The following SHANK2 variants were observed in gnomAD, a reference collection of about 807,000 sequenced individuals.
The protein encoded by SHANK2 is SH3 and multiple ankyrin repeat domains 2.
In SHANK2, 43 loss-of-function variants were observed where a neutral mutation model predicts 133.7. The observed-to-expected ratio is 0.32, with a 90% CI of 0.25 to 0.41. SHANK2 has a LOEUF of 0.41. SHANK2 is among the 10% of genes least tolerant of loss of function. The pLI is 1.00. For missense variants in SHANK2, 1,994 were observed against 2,235.8 expected (o/e 0.89, Z 2.18); for synonymous variants, 1,017 against 952.8 (o/e 1.07, Z -1.24).
At chr11:70,583,548 G>A (rs2060210706) in intron 17 of SHANK2, among the ~76,000 whole-genome samples, 3 of 152,184 alleles carry the variant, frequency 2.0e-5, no homozygotes, top group Non-Finnish European at 1.5e-5. Context: ...GCTCCAAGGA[G>A]GGCAGTGCCA....
chr11:71,193,178 C>T (rs1055569897), intron 2 of SHANK2, among the ~76,000 whole-genome samples: 9 of 152,180 alleles, frequency 5.9e-5, no homozygotes, highest in African/African-American at 2.2e-4. Flanking sequence ...AATAAATCAA[C>T]TCAAACCAAA....
intron 10 of SHANK2, among the ~76,000 whole-genome samples, chr11:70,913,798 G>A (rs1190422861): frequency 6.6e-6 from 1 of 152,106 alleles, no homozygotes; most frequent in Non-Finnish European, 1.5e-5. Flanking sequence ...GACCCTACAT[G>A]GTGTCATTGC....
At chr11:71,058,524 A>C (rs1433032178) in intron 9 of SHANK2, among the ~76,000 whole-genome samples, 1 of 152,166 alleles carries the variant, frequency 6.6e-6, no homozygotes, top group Non-Finnish European at 1.5e-5. Context: ...GAATAAGCAA[A>C]CTCTGTTTTT....
At chr11:70,896,625 T>C (rs1379062190) in intron 10 of SHANK2, 58 bp from the exon 11 acceptor site, 2 of 711,826 alleles carry the variant, frequency 2.8e-6, no homozygotes, top group Admixed American at 2.0e-5. Flanking sequence ...GATTTCTGCA[T>C]ATACTATTAC....
At chr11:71,249,966 C>T (rs2919726) in intron 1 of SHANK2, among the ~76,000 whole-genome samples, 13,105 of 152,160 alleles carry the variant, frequency 0.086, 1,600 homozygotes, top group African/African-American at 0.27. Context: ...CCCCTAGAAG[C>T]CAGCATGGCC....
At chr11:70,841,848 C>A (rs115592334) in intron 11 of SHANK2, among the ~76,000 whole-genome samples, 1 of 152,176 alleles carries the variant, frequency 6.6e-6, no homozygotes, top group Non-Finnish European at 1.5e-5. Flanking sequence ...CCTGACTGTG[C>A]GTGTCTGCTC....
rs781806491 is a variant in SHANK2, at chr11:70,485,364, C to T, written c.4929G>A (p.Gly1643=). 3.1e-6 allele frequency: 5 copies of T among 1,613,886 alleles called. No individual in the cohort carries two copies. The East Asian group carries it at 6.7e-5, about 22-fold the overall frequency. The part of the protein sequence containing the change: ...QMNREKLAKP[G]EGLDSPMGAK... Reference sequence around the variant, plus strand: ...CTCCCATTGGTGAATCCAGTCCTTCCCCCGGCTTTGCCAATTTCTCTCGGT... The same window carrying T: ...CTCCCATTGGTGAATCCAGTCCTTCTCCCGGCTTTGCCAATTTCTCTCGGT... The change falls in exon 25 of 26, where the codon GGG becomes GGA. Residue 1643 remains glycine (G), a synonymous_variant. Transcript: ENST00000601538. This position sits in a 1 kb window ranked among gnomAD's most constrained non-coding sequence, Gnocchi z 5.8.
chr11:71,160,857 G>A (rs561898462), intron 2 of SHANK2, among the ~76,000 whole-genome samples: 20 of 152,304 alleles, frequency 1.3e-4, no homozygotes, highest in Non-Finnish European at 2.5e-4. Flanking sequence ...GACAGTCCAC[G>A]TTGGCAGCCT....
At chr11:70,636,133 C>T (rs1287595154) in intron 17 of SHANK2, among the ~76,000 whole-genome samples, 2 of 152,270 alleles carry the variant, frequency 1.3e-5, no homozygotes, top group Non-Finnish European at 2.9e-5. Flanking sequence ...TCGACAAAGG[C>T]GTGGTCTCTG....
intron 10 of SHANK2, among the ~76,000 whole-genome samples, chr11:70,898,779 C>T (rs552303870): frequency 1.2e-4 from 19 of 152,170 alleles, no homozygotes; most frequent in Non-Finnish European, 2.6e-4. Flanking sequence ...TCAGTCTATC[C>T]ATACGGCAAA....
intron 6 of SHANK2, among the ~76,000 whole-genome samples, chr11:71,108,475 C>T (rs1260814765): frequency 3.3e-5 from 5 of 152,188 alleles, no homozygotes; most frequent in African/African-American, 1.2e-4. Flanking sequence ...CTGCCCACCA[C>T]ATGCCCTTGT....
rs371473462 is a variant in SHANK2 at position 70,486,125 on chromosome 11, G to C, written c.4168C>G (p.Arg1390Gly). The change falls in exon 25 of 26, where the codon CGC becomes GGC. Residue 1390 changes from arginine to glycine, a missense_variant. Arg to Gly is a moderately radical substitution (Grantham distance 125). This residue lies in a region of SHANK2 where 797 missense variants were observed against 907.4 expected (regional missense o/e 0.88). Coordinates refer to ENST00000601538, the MANE Select transcript of SHANK2 (RefSeq NM_012309.5). This position sits in a 1 kb window ranked among gnomAD's most constrained non-coding sequence, Gnocchi z 8.0. ...GATGCCAGAGGGGGAGGAGGGATGC[G>C]GAATGGCAAAATCACCGCCTCTTCC... is the stretch of plus-strand genomic sequence containing the variant. ...SMEEAVILPFRIPPPPLASVD... is the reference protein window; with the variant it reads ...SMEEAVILPFGIPPPPLASVD... 3.7e-6 allele frequency: 6 copies of C among 1,613,968 alleles called. No individual in the cohort carries two copies. Among genetic ancestry groups the C allele is most frequent in the Admixed American group, 1.7e-5 (1 of 60,022 alleles).
intron 17 of SHANK2, among the ~76,000 whole-genome samples, chr11:70,590,782 A>G (rs2060311011): frequency 6.6e-6 from 1 of 152,184 alleles, no homozygotes; most frequent in Middle Eastern, 3.2e-3. Context: ...AAAAAAAAAA[A>G]AGTGTGCATC....
intron 4 of SHANK2, among the ~76,000 whole-genome samples, chr11:71,113,911 C>G (rs1417245186): frequency 1.3e-5 from 2 of 152,232 alleles, no homozygotes; most frequent in African/African-American, 4.8e-5. Flanking sequence ...CTGGAAATTA[C>G]ATCACTGCAT....
At chr11:71,197,243 TC>T (rs1209659412) in intron 2 of SHANK2, among the ~76,000 whole-genome samples, 1 of 151,884 alleles carries the variant, frequency 6.6e-6, no homozygotes, top group Non-Finnish European at 1.5e-5. Flanking sequence ...TTCATTTCCT[TC>T]CCCCCAGTGT....
At chr11:70,780,723 C>T (rs1258196733) in intron 14 of SHANK2, among the ~76,000 whole-genome samples, 2 of 152,020 alleles carry the variant, frequency 1.3e-5, no homozygotes, top group East Asian at 3.9e-4. Context: ...CAGACGCCTG[C>T]CACCATATCT....
At chr11:70,590,292 T>C (rs959710064) in intron 17 of SHANK2, among the ~76,000 whole-genome samples, 4 of 152,226 alleles carry the variant, frequency 2.6e-5, no homozygotes, top group African/African-American at 9.6e-5. Flanking sequence ...TTTCTCGAGA[T>C]GGAATCTACT....
At position 70,485,366 on chromosome 11, in the gene SHANK2, C is replaced by T. The variant is rs1317049994; in HGVS notation, c.4927G>A (p.Gly1643Arg). Residue 1643 changes from glycine (G) to arginine (R), a missense_variant, in exon 25 of 26, where the codon GGG becomes AGG. This residue lies in a region of SHANK2 where 797 missense variants were observed against 907.4 expected (regional missense o/e 0.88). Coordinates refer to ENST00000601538, the MANE Select transcript of SHANK2 (RefSeq NM_012309.5). The surrounding 1 kb of genome is among the most constrained non-coding windows in gnomAD (Gnocchi z 5.8). ...CCCATTGGTGAATCCAGTCCTTCCC[C>T]CGGCTTTGCCAATTTCTCTCGGTTC... The part of the protein sequence containing the change: ...QMNREKLAKP[G>R]EGLDSPMGAK... The T allele has an allele frequency of 1.9e-6, 3 of 1,613,886 alleles. No homozygotes were observed. In the Admixed American group the frequency reaches 5.0e-5, roughly 27 times the overall value.
chr11:71,137,357 C>T (rs1952463743), intron 3 of SHANK2, among the ~76,000 whole-genome samples: 1 of 148,238 alleles, frequency 6.7e-6, no homozygotes, highest in African/African-American at 2.5e-5. Flanking sequence ...ACAGTGGGGC[C>T]AGACCTGGAG....
Sources: allele counts gnomAD v4.1 joint callset (sites outside exome capture counted in the v4.1 genomes callset), GRCh38; gene constraint gnomAD v4.1.1; regional missense constraint gnomAD v4.1.1; non-coding constraint Gnocchi (gnomAD v3.1); transcripts MANE v1.5; gene names NCBI Gene and HGNC (gene_info 2026-07-23, HGNC 2026-07-21).